The following LRRC8C variants were observed in gnomAD, a reference collection of about 807,000 sequenced individuals.
LRRC8C encodes volume-regulated anion channel subunit LRRC8C.
In LRRC8C, 20 loss-of-function variants were observed where a neutral mutation model predicts 55.3. That is an observed-to-expected ratio of 0.36 (90% confidence interval 0.25 to 0.53). The LOEUF is 0.53. Ranked by LOEUF, LRRC8C falls within the 20% of genes least tolerant of loss-of-function variation. The pLI, the probability that LRRC8C is intolerant of heterozygous loss-of-function variation, is 0.92. For missense variants in LRRC8C, 659 were observed against 951.4 expected, an observed-to-expected ratio of 0.69 and a Z score of 4.04; for synonymous variants, 376 against 360.7, an observed-to-expected ratio of 1.04 and a Z score of -0.48.
chr1:89,675,227 T>C (rs764513287), intron 1 of LRRC8C, among the ~76,000 whole-genome samples: 14 of 152,202 alleles, frequency 9.2e-5, no homozygotes, highest in Non-Finnish European at 2.1e-4. Flanking sequence ...AACCTTTTTT[T>C]GAGTATTCTA....
the LRRC8C span, among the ~76,000 whole-genome samples, chr1:89,623,958 A>G: frequency 3.5e-4 from 53 of 152,344 alleles, no homozygotes; most frequent in African/African-American, 1.3e-3. Flanking sequence ...ATGGTGGTAT[A>G]AGACGTGAAA....
intron 1 of LRRC8C, among the ~76,000 whole-genome samples, chr1:89,683,859 T>C (rs1657795057): frequency 1.3e-5 from 2 of 152,170 alleles, no homozygotes; most frequent in East Asian, 1.9e-4. Context: ...CAACATATCA[T>C]ATCACAATAG....
intron 1 of LRRC8C, among the ~76,000 whole-genome samples, chr1:89,657,860 A>G (rs548772392): frequency 2.6e-5 from 4 of 152,246 alleles, no homozygotes; most frequent in Admixed American, 1.3e-4. Context: ...AACTGGAGTC[A>G]TGTACATATT....
chr1:89,637,143 G>A (rs1307946634), intron 1 of LRRC8C, among the ~76,000 whole-genome samples: 3 of 152,200 alleles, frequency 2.0e-5, no homozygotes, highest in Middle Eastern at 3.4e-3. Context: ...TAGGTACCAT[G>A]TAAGATAGCT....
At position 89,718,239 on chromosome 1, in the gene LRRC8C, C is replaced by T. The variant is rs1038601087; in HGVS notation, c.*3257C>T. ...TCCCATCTGTTTCAAGGAGTTTCAACAATTTACATTGCATCGTATGCAGTA... is the reference window on the plus strand; with the variant it reads ...TCCCATCTGTTTCAAGGAGTTTCAATAATTTACATTGCATCGTATGCAGTA... On this transcript the variant is annotated 3_prime_UTR_variant, in exon 3 of 3. Transcript: ENST00000370454. 2 of 152,130 alleles carry T rather than the reference C, an allele frequency of 1.3e-5. No individual in the cohort carries two copies. Among genetic ancestry groups the T allele is most frequent in the Non-Finnish European group, 2.9e-5 (2 of 68,006 alleles). 9.4% of individuals were successfully genotyped at this position (152,130 alleles called of 1,614,324 possible).
At chr1:89,658,138 C>T (rs937088439) in intron 1 of LRRC8C, among the ~76,000 whole-genome samples, 2 of 152,140 alleles carry the variant, frequency 1.3e-5, no homozygotes, top group Non-Finnish European at 2.9e-5. Flanking sequence ...TTTGGCCACA[C>T]TACTGTTTGG....
chr1:89,689,770 A>C (rs925452148), intron 2 of LRRC8C, among the ~76,000 whole-genome samples: 4 of 152,068 alleles, frequency 2.6e-5, no homozygotes, highest in Admixed American at 2.6e-4. Context: ...GTGAAACCCC[A>C]TCTCTACTAA....
At chr1:89,640,255 C>G (rs1007417080) in intron 1 of LRRC8C, among the ~76,000 whole-genome samples, 1 of 152,120 alleles carries the variant, frequency 6.6e-6, no homozygotes, top group Non-Finnish European at 1.5e-5. Context: ...AGTAGAGACA[C>G]GGTTTCACCA....
In LRRC8C at chr1:89,714,253, T is replaced by A; in HGVS notation, c.1683T>A (p.Val561=). 1 of 1,614,120 alleles carries A rather than the reference T, an allele frequency of 6.2e-7. No homozygotes were observed. The highest frequency in any genetic ancestry group is 8.5e-7 in the Non-Finnish European group (1 of 1,180,022). Residue 561 remains valine, a synonymous_variant, in exon 3 of 3, where the codon GTT becomes GTA. Transcript: ENST00000370454. The surrounding 1 kb of genome is among the most constrained non-coding windows in gnomAD (Gnocchi z 4.6). ...SNVSKIPQAV[V]DVSSHLQKMC... is the part of the protein sequence containing the mutation. Reference sequence around the variant, plus strand: ...TTTCCAAAATCCCTCAGGCAGTGGTTGATGTTTCCAGCCATCTCCAGAAGA... The same window carrying A: ...TTTCCAAAATCCCTCAGGCAGTGGTAGATGTTTCCAGCCATCTCCAGAAGA...
At chr1:89,682,826 A>G (rs1238052945) in intron 1 of LRRC8C, among the ~76,000 whole-genome samples, 1 of 152,274 alleles carries the variant, frequency 6.6e-6, no homozygotes, top group Non-Finnish European at 1.5e-5. Flanking sequence ...CTTCTGCTGC[A>G]TTCCAAAGTA....
At position 89,697,348 on chromosome 1, in the gene LRRC8C, G is replaced by A. The variant is rs116486319; in HGVS notation, c.138+10737G>A. ...TGTATCTTTGTCCTGTTCATACATC[G>A]AAGATAATCTGGATGATTTATGTTT... On this transcript the variant is annotated intron_variant, in intron 2 of 2. Coordinates refer to ENST00000370454, the MANE Select transcript of LRRC8C (RefSeq NM_032270.5). Among the ~76,000 whole-genome samples the A allele has an allele frequency of 2.0e-3, 305 of 151,984 alleles. 2 individuals carry two copies. The highest frequency in any genetic ancestry group is 7.1e-3 in the African/African-American group (294 of 41,444).
Position 89,713,942 on chromosome 1 carries a change from A to G in LRRC8C, c.1372A>G (p.Met458Val). 1 of 1,613,908 alleles carries G rather than the reference A, an allele frequency of 6.2e-7. No homozygotes were observed. The highest frequency in any genetic ancestry group is 8.5e-7 in the Non-Finnish European group (1 of 1,180,010). ...SLKLEIIKNV[M>V]IPATIAQLDN... ...AAAACTTGAAATCATTAAGAACGTAATGATACCAGCCACCATTGCACAGCT... is the reference window on the plus strand; with the variant it reads ...AAAACTTGAAATCATTAAGAACGTAGTGATACCAGCCACCATTGCACAGCT... The change falls in exon 3 of 3, where the codon ATG (methionine) becomes GTG (valine). Residue 458 changes from methionine (M) to valine (V), a missense_variant. Transcript: ENST00000370454. This position sits in a 1 kb window ranked among gnomAD's most constrained non-coding sequence, Gnocchi z 5.2.
At chr1:89,705,596 A>G (rs1305396835) in intron 2 of LRRC8C, among the ~76,000 whole-genome samples, 2 of 151,978 alleles carry the variant, frequency 1.3e-5, no homozygotes, top group Non-Finnish European at 2.9e-5. Context: ...CCTGGGCAAC[A>G]TGGTAAAACC....
At chr1:89,628,170 G>A (rs1219065092), upstream of LRRC8C, among the ~76,000 whole-genome samples, 1 of 152,150 alleles carries the variant, frequency 6.6e-6, no homozygotes, top group East Asian at 1.9e-4. Context: ...TGTTTTAGAA[G>A]AATCTGATTC....
At chr1:89,683,905 A>G (rs1557660246) in intron 1 of LRRC8C, among the ~76,000 whole-genome samples, 1 of 152,214 alleles carries the variant, frequency 6.6e-6, no homozygotes, top group Non-Finnish European at 1.5e-5. Flanking sequence ...ATTATATCAT[A>G]ATAGATTGCA....
chr1:89,616,944 A>G, the LRRC8C span, among the ~76,000 whole-genome samples: 9 of 152,318 alleles, frequency 5.9e-5, no homozygotes, highest in Non-Finnish European at 7.4e-5. Flanking sequence ...CGTAAGTAAA[A>G]GCATTTGTTC....
chr1:89,698,984 A>AG (rs1303439659), intron 2 of LRRC8C, among the ~76,000 whole-genome samples: 2 of 152,184 alleles, frequency 1.3e-5, no homozygotes, highest in African/African-American at 2.4e-5. Context: ...GGAAAAAAAA[A>AG]GAAATTAAAA....
chr1:89,658,061 A>G (rs1244801029), intron 1 of LRRC8C, among the ~76,000 whole-genome samples: 2 of 152,152 alleles, frequency 1.3e-5, no homozygotes, highest in African/African-American at 4.8e-5. Flanking sequence ...GCCACATCCA[A>G]GAGCAGAATA....
At chr1:89,689,602 A>G (rs1657974584) in intron 2 of LRRC8C, among the ~76,000 whole-genome samples, 1 of 152,116 alleles carries the variant, frequency 6.6e-6, no homozygotes, top group Non-Finnish European at 1.5e-5. Context: ...TTTGAAGGAA[A>G]ACCCACCAAG....
Sources: gnomAD v4.1 joint callset for allele counts (sites outside exome capture counted in the v4.1 genomes callset) on GRCh38, gnomAD v4.1.1 for gene constraint, Gnocchi (gnomAD v3.1) non-coding constraint, MANE v1.5 for transcripts, NCBI Gene and HGNC (gene_info 2026-07-23, HGNC 2026-07-21) for gene names.